The following SFXN1 variants were observed in gnomAD, a reference collection of about 807,000 sequenced individuals.
SFXN1 encodes sideroflexin-1.
In SFXN1, 32 loss-of-function variants were observed where a neutral mutation model predicts 39.5. That is an observed-to-expected ratio of 0.81 (90% CI 0.61 to 1.09). SFXN1 has a LOEUF of 1.09. Among genes scored for constraint, SFXN1 ranks in the 50% least tolerant of loss-of-function variants. The probability of loss-of-function intolerance (pLI) is 0.00; values close to 1 mark genes in which losing one functional copy is unlikely to be tolerated. For missense variants in SFXN1, 402 were observed against 407.1 expected (o/e 0.99, Z 0.11); for synonymous variants, 136 against 146.5 (o/e 0.93, Z 0.52).
chr5:175,522,500 C>A, intron 10 of SFXN1, 78 bp downstream of exon 10: 1 of 1,399,074 alleles, frequency 7.1e-7, no homozygotes, highest in South Asian at 1.2e-5. Context: ...GCCATTATTC[C>A]ATTTCATTGG....
At chr5:175,505,282 C>G (rs1189013601) in intron 2 of SFXN1, among the ~76,000 whole-genome samples, 1 of 151,792 alleles carries the variant, frequency 6.6e-6, no homozygotes, top group Non-Finnish European at 1.5e-5. Context: ...TGCCTGTTAT[C>G]CCAGCACTTT....
intron 8 of SFXN1, among the ~76,000 whole-genome samples, chr5:175,518,360 GT>G: frequency 6.6e-6 from 1 of 151,866 alleles, no homozygotes; most frequent in South Asian, 2.1e-4. Context: ...GAATGGGAAT[GT>G]AACATTTATT....
chr5:175,519,585 A>G (rs1481474059), intron 8 of SFXN1, among the ~76,000 whole-genome samples: 1 of 152,216 alleles, frequency 6.6e-6, no homozygotes, highest in Non-Finnish European at 1.5e-5. Flanking sequence ...ATCGAGTCCT[A>G]GAAAATGTAA....
chr5:175,524,117 AAAAAAAAAATATATATATATATAT>A (rs1235865633), intron 10 of SFXN1: 11 of 53,456 alleles, frequency 2.1e-4, no homozygotes, highest in African/African-American at 9.6e-4. Context: ...AAAAAAAAAA[AAAAAAAAAATATATATATATATAT>A]ATATATATAT....
Position 175,507,983 on chromosome 5 carries a change from A to T in SFXN1, c.165-1049A>T, listed in dbSNP as rs568612261. ...GTGAGACCCTGTCTTTAAAAAAAAA[A>T]AAAAAAAAATTCTTCCTGAACTAGC... is the stretch of plus-strand genomic sequence containing the variant. On this transcript the variant is annotated intron_variant, in intron 2 of 10. Transcript: ENST00000321442. 1.1e-4 allele frequency among the ~76,000 whole-genome samples: 17 copies of T among 152,050 alleles called. No homozygotes were observed. The South Asian group carries it at 3.5e-3, about 32-fold the overall frequency.
intron 1 of SFXN1, among the ~76,000 whole-genome samples, chr5:175,487,204 T>A (rs1759481580): frequency 6.6e-6 from 1 of 152,164 alleles, no homozygotes; most frequent in South Asian, 2.1e-4. Context: ...ACGCCCAGCC[T>A]TATGCTGGAC....
rs1288977678 is a variant in SFXN1 at position 175,511,432 on chromosome 5, T to TA, written c.435-18dup. The TA allele has an allele frequency of 2.7e-5, 44 of 1,609,318 alleles. 1 individual carries two copies. Among genetic ancestry groups the TA allele is most frequent in the Non-Finnish European group, 3.7e-5 (44 of 1,176,584 alleles). ...TGACATGCCCTCGTCGTCCACACGA[T>TA]ATCCTTTTTTCTTTTCAGTGAGTTG... On this transcript the variant is annotated intron_variant, in intron 4 of 10. Coordinates refer to ENST00000321442, the MANE Select transcript of SFXN1 (RefSeq NM_022754.7).
At chr5:175,490,559 A>C (rs899533396) in intron 1 of SFXN1, among the ~76,000 whole-genome samples, 2 of 152,206 alleles carry the variant, frequency 1.3e-5, no homozygotes, top group Non-Finnish European at 2.9e-5. Context: ...ACTTAAGGAA[A>C]AGTGACCTGA....
chr5:175,486,348 A>G (rs1169393571), intron 1 of SFXN1, among the ~76,000 whole-genome samples: 4 of 152,248 alleles, frequency 2.6e-5, no homozygotes, highest in African/African-American at 7.2e-5. Context: ...AGCATCTGCC[A>G]TGCAACCTGG....
chr5:175,503,186 A>C (rs1338516226), intron 2 of SFXN1, among the ~76,000 whole-genome samples: 1 of 152,222 alleles, frequency 6.6e-6, no homozygotes, highest in Non-Finnish European at 1.5e-5. Context: ...AAAACTTAGC[A>C]AATTGGACAC....
chr5:175,482,194 G>A (rs926569073), intron 1 of SFXN1, among the ~76,000 whole-genome samples: 14 of 152,196 alleles, frequency 9.2e-5, no homozygotes, highest in African/African-American at 2.9e-4. Flanking sequence ...GTGACTGACC[G>A]GCTGTCTCAC....
chr5:175,483,816 C>T (rs2113255606), intron 1 of SFXN1: 1 of 152,460 alleles, frequency 6.6e-6, no homozygotes, highest in Middle Eastern at 3.4e-3. Flanking sequence ...CCCAGCGCTT[C>T]TGCATAACTC....
rs537362775 is a variant in SFXN1, at chr5:175,484,666, G to A, written c.-10+6027G>A. Among the ~76,000 whole-genome samples, 352 of 152,372 alleles carry A rather than the reference G, an allele frequency of 2.3e-3. 3 individuals carry two copies. The highest frequency in any genetic ancestry group is 8.0e-3 in the African/African-American group (334 of 41,588). ...ATGGAGCCAGCACAGGGCGCGTCTC[G>A]GCGCATCCTCCTCAGCCCAGGCCCC... On this transcript the variant is annotated intron_variant, in intron 1 of 10. Transcript: ENST00000321442.
chr5:175,526,527 C>A, intron 10 of SFXN1, 111 bp from the exon 11 acceptor site: 1 of 751,092 alleles, frequency 1.3e-6, no homozygotes, highest in South Asian at 1.7e-5. Flanking sequence ...CCAACAAGAC[C>A]CACTGTACCA....
At chr5:175,514,131 A>C (rs1429054753) in intron 7 of SFXN1, among the ~76,000 whole-genome samples, 2 of 152,118 alleles carry the variant, frequency 1.3e-5, no homozygotes, top group Admixed American at 6.5e-5. Context: ...GGTTGAGAAT[A>C]GGCTGAAGGA....
chr5:175,503,574 C>T (rs1760162555), intron 2 of SFXN1, among the ~76,000 whole-genome samples: 1 of 152,150 alleles, frequency 6.6e-6, no homozygotes, highest in Non-Finnish European at 1.5e-5. Context: ...ATCTATTTCC[C>T]ATAAAATAAT....
intron 6 of SFXN1, 90 bp from the exon 7 acceptor site, chr5:175,513,373 G>A (rs1164302923): frequency 3.0e-6 from 4 of 1,329,084 alleles, no homozygotes; most frequent in Non-Finnish European, 4.1e-6. Flanking sequence ...TTTGAATTAA[G>A]TAGAGGGTTG....
At chr5:175,482,886 G>A (rs1759305960) in intron 1 of SFXN1, among the ~76,000 whole-genome samples, 1 of 152,082 alleles carries the variant, frequency 6.6e-6, no homozygotes, top group East Asian at 1.9e-4. Flanking sequence ...TTACACCACA[G>A]GGCGGGGGGC....
chr5:175,515,553 C>T (rs537727579), intron 7 of SFXN1, among the ~76,000 whole-genome samples: 25 of 152,206 alleles, frequency 1.6e-4, no homozygotes, highest in Middle Eastern at 6.8e-3. Flanking sequence ...TGCTGTCCAC[C>T]GCATACCCAG....
Sources: allele counts gnomAD v4.1 joint callset (sites outside exome capture counted in the v4.1 genomes callset), GRCh38; gene constraint gnomAD v4.1.1; transcripts MANE v1.5; gene names NCBI Gene and HGNC (gene_info 2026-07-23, HGNC 2026-07-21).